The following R3HDM1 variants were observed in gnomAD, a reference collection of about 807,000 sequenced individuals.
The protein encoded by R3HDM1 is R3H domain containing 1, also known as R3H domain-containing protein 1.
A neutral mutation model predicts 141.1 loss-of-function variants in R3HDM1; 46 were observed. The observed-to-expected ratio is 0.33, with a 90% CI of 0.26 to 0.42. R3HDM1 has a LOEUF of 0.42. Ranked by LOEUF, R3HDM1 falls within the 10% of genes least tolerant of loss-of-function variation. The pLI, the probability that R3HDM1 is intolerant of heterozygous loss-of-function variation, is 1.00. For missense variants in R3HDM1, 1,184 were observed against 1,368.3 expected, an observed-to-expected ratio of 0.87 and a Z score of 2.12; for synonymous variants, 435 against 472.9, an observed-to-expected ratio of 0.92 and a Z score of 1.04.
At chr2:135,683,940 ACT>A (rs1322802692) in intron 21 of R3HDM1, among the ~76,000 whole-genome samples, 1 of 149,438 alleles carries the variant, frequency 6.7e-6, no homozygotes, top group Non-Finnish European at 1.5e-5. Context: ...ACAGAGTGAT[ACT>A]CTGTCTCATA....
chr2:135,629,156 A>G (rs78569024), intron 7 of R3HDM1, among the ~76,000 whole-genome samples: 14,121 of 151,744 alleles, frequency 0.093, 912 homozygotes, highest in South Asian at 0.31. Flanking sequence ...GTGACTACTA[A>G]AAATACAAAA....
At chr2:135,688,802 G>A (rs1258321819) in intron 21 of R3HDM1, among the ~76,000 whole-genome samples, 1 of 152,060 alleles carries the variant, frequency 6.6e-6, no homozygotes, top group African/African-American at 2.4e-5. Context: ...CAGGTGTGGT[G>A]GCGGGCACCT....
At chr2:135,650,046 G>A (rs546077269) in intron 17 of R3HDM1, 43 bp downstream of exon 17, 1 of 1,176,928 alleles carries the variant, frequency 8.5e-7, no homozygotes, top group Non-Finnish European at 1.1e-6. Context: ...TCTGTGGGTG[G>A]ATGTGTGATG....
intron 1 of R3HDM1, among the ~76,000 whole-genome samples, chr2:135,558,269 T>A (rs1334044517): frequency 6.6e-6 from 1 of 152,246 alleles, no homozygotes; most frequent in Non-Finnish European, 1.5e-5. Flanking sequence ...GAAATGTGTC[T>A]AGTGTAACTA....
intron 3 of R3HDM1, chr2:135,606,754 C>CAAAA (rs530408371): frequency 1.8e-5 from 1 of 56,288 alleles, no homozygotes; most frequent in Non-Finnish European, 4.2e-5. Context: ...GACTCCATCT[C>CAAAA]AAAAAAAAAA....
At chr2:135,721,581 G>A (rs1384836913) in intron 24 of R3HDM1, 1 of 184,646 alleles carries the variant, frequency 5.4e-6, no homozygotes, top group Non-Finnish European at 1.2e-5. Context: ...AGTACTTTTT[G>A]TTTTATTTTA....
chr2:135,608,293 G>T (rs2060250380), intron 3 of R3HDM1, among the ~76,000 whole-genome samples: 1 of 151,908 alleles, frequency 6.6e-6, no homozygotes, highest in South Asian at 2.1e-4. Context: ...CCCAGCCTAG[G>T]TGACACAGCG....
intron 18 of R3HDM1, among the ~76,000 whole-genome samples, chr2:135,655,368 A>G (rs574572251): frequency 2.4e-4 from 37 of 152,234 alleles, no homozygotes; most frequent in African/African-American, 7.7e-4. Flanking sequence ...ACCTTACCCC[A>G]TTATGTATTT....
chr2:135,645,351 T>C (rs1219897390), intron 15 of R3HDM1, 28 bp from the exon 16 acceptor site: 2 of 1,559,940 alleles, frequency 1.3e-6, no homozygotes, highest in Non-Finnish European at 1.8e-6. Context: ...TTCTAAGTTA[T>C]TTTTTTCCCT....
At chr2:135,619,894 A>G in intron 5 of R3HDM1, 3 of 191,874 alleles carry the variant, frequency 1.6e-5, no homozygotes, top group Non-Finnish European at 2.9e-5. Flanking sequence ...GTGAAGAGTA[A>G]AGGAATTGCA....
At chr2:135,582,984 T>G (rs1048056961) in intron 1 of R3HDM1, among the ~76,000 whole-genome samples, 1 of 152,208 alleles carries the variant, frequency 6.6e-6, no homozygotes, top group Non-Finnish European at 1.5e-5. Flanking sequence ...CAGATAGCCT[T>G]CTGTCTTCAC....
At chr2:135,706,318 G>A (rs2074903713) in intron 21 of R3HDM1, among the ~76,000 whole-genome samples, 1 of 149,212 alleles carries the variant, frequency 6.7e-6, no homozygotes, top group South Asian at 2.1e-4. Flanking sequence ...TAATACAGTT[G>A]AAAGTGGATA....
Position 135,669,897 on chromosome 2 carries a change from G to A in R3HDM1, c.2153-5435G>A, listed in dbSNP as rs564942542. ...CTCACCCCTGTAATCCCAGCACTTC[G>A]GGAGACTGAGGTGGTCCAATCACCT... On this transcript the variant is annotated intron_variant, in intron 19 of 26. Coordinates refer to ENST00000683871, the MANE Select transcript of R3HDM1 (RefSeq NM_001378107.1). 6.6e-5 allele frequency among the ~76,000 whole-genome samples: 10 copies of A among 152,204 alleles called. No individual in the cohort carries two copies. The East Asian group carries it at 1.5e-3, about 23-fold the overall frequency.
intron 1 of R3HDM1, chr2:135,577,214 T>C: frequency 1.0e-6 from 1 of 983,290 alleles, no homozygotes; most frequent in South Asian, 4.7e-5. Flanking sequence ...TACGTCTATA[T>C]AAAAATAAGA....
At chr2:135,648,255 T>C (rs557140721) in intron 16 of R3HDM1, among the ~76,000 whole-genome samples, 29 of 152,324 alleles carry the variant, frequency 1.9e-4, no homozygotes, top group African/African-American at 5.3e-4. Flanking sequence ...GCTTTAATTA[T>C]AGATTTTTTT....
chr2:135,616,834 G>A, intron 5 of R3HDM1, 77 bp downstream of exon 5: 2 of 1,251,518 alleles, frequency 1.6e-6, no homozygotes, highest in African/African-American at 1.5e-5. Flanking sequence ...AGTTGTGTTT[G>A]TTATATTTGT....
chr2:135,680,751 C>T (rs1455695531), intron 21 of R3HDM1, among the ~76,000 whole-genome samples: 6 of 152,156 alleles, frequency 3.9e-5, no homozygotes, highest in African/African-American at 1.4e-4. Flanking sequence ...GCCTGGGCAA[C>T]AAGAGTGAAC....
At chr2:135,653,870 G>T (rs1241239564) in intron 18 of R3HDM1, among the ~76,000 whole-genome samples, 1 of 152,236 alleles carries the variant, frequency 6.6e-6, no homozygotes, top group African/African-American at 2.4e-5. Flanking sequence ...GGAGGTTGCA[G>T]TGAGCCGAGA....
At chr2:135,616,999 T>G (rs1371769983) in intron 5 of R3HDM1, among the ~76,000 whole-genome samples, 3 of 152,138 alleles carry the variant, frequency 2.0e-5, no homozygotes, top group Non-Finnish European at 4.4e-5. Context: ...GAATGTGGCT[T>G]TAAGAAAGTT....
Sources: allele counts gnomAD v4.1 joint callset (sites outside exome capture counted in the v4.1 genomes callset), GRCh38; gene constraint gnomAD v4.1.1; transcripts MANE v1.5; gene names NCBI Gene and HGNC (gene_info 2026-07-23, HGNC 2026-07-21).